Variants in RPS6KA2 observed in about 807,000 individuals in gnomAD.
RPS6KA2 encodes ribosomal protein S6 kinase alpha-2.
In RPS6KA2, 42 loss-of-function variants were observed where a neutral mutation model predicts 91.8. That is an observed-to-expected ratio of 0.46 (90% CI 0.36 to 0.59). The LOEUF is 0.59. RPS6KA2 is among the 20% of genes least tolerant of loss of function. The probability of loss-of-function intolerance (pLI) is 0.00; values close to 1 mark genes in which losing one functional copy is unlikely to be tolerated. For missense variants in RPS6KA2, 798 were observed against 978.5 expected, an observed-to-expected ratio of 0.82 and a Z score of 2.46; for synonymous variants, 414 against 393.6, an observed-to-expected ratio of 1.05 and a Z score of -0.61.
rs959099423 is a variant in RPS6KA2 at position 166,586,653 on chromosome 6, C to T, written c.99+40268G>A. Among the ~76,000 whole-genome samples, 5 of 124,590 alleles carry T rather than the reference C, an allele frequency of 4.0e-5. 1 individual carries two copies. The highest frequency in any genetic ancestry group is 1.9e-4 in the African/African-American group (3 of 15,686). The allele number at this position is 124,590 out of a possible 152,430, so 81.7% of individuals were successfully genotyped here. ...TGGAACTCCAGACCACTCCAGTTCTCCAATGTAACCGAGCGCCTTCCTCTC... is the reference window on the plus strand; with the variant it reads ...TGGAACTCCAGACCACTCCAGTTCTTCAATGTAACCGAGCGCCTTCCTCTC... On this transcript the variant is annotated intron_variant, in intron 1 of 20. Transcript: ENST00000265678.
At chr6:166,439,812 A>T (rs1183032647) in intron 14 of RPS6KA2, 1 of 152,262 alleles carries the variant, frequency 6.6e-6, no homozygotes, top group Non-Finnish European at 1.5e-5. Flanking sequence ...AGTCCTGGCC[A>T]TGTGGGGCTG....
At chr6:166,492,082 A>G (rs930558066) in intron 8 of RPS6KA2, among the ~76,000 whole-genome samples, 3 of 152,180 alleles carry the variant, frequency 2.0e-5, no homozygotes, top group African/African-American at 7.2e-5. Context: ...GCTAGGAGTG[A>G]AATTATAATC....
chr6:166,839,400 C>T (rs1415011687), intron 2 of RPS6KA2, among the ~76,000 whole-genome samples: 5 of 151,560 alleles, frequency 3.3e-5, no homozygotes, highest in Admixed American at 2.6e-4. Context: ...TTCCAGGATA[C>T]GTTATGAAGA....
At chr6:166,720,720 G>A (rs1002332141) in intron 2 of RPS6KA2, among the ~76,000 whole-genome samples, 4 of 152,084 alleles carry the variant, frequency 2.6e-5, no homozygotes, top group Non-Finnish European at 4.4e-5. Context: ...TTTGTGCCTC[G>A]CATTTTACAT....
chr6:166,618,789 G>T (rs1215180877), intron 1 of RPS6KA2, among the ~76,000 whole-genome samples: 4 of 152,212 alleles, frequency 2.6e-5, no homozygotes, highest in Non-Finnish European at 5.9e-5. Flanking sequence ...ATTTTAGCAG[G>T]TCACACTCCC....
At chr6:166,715,967 G>T in intron 2 of RPS6KA2, among the ~76,000 whole-genome samples, 1 of 148,602 alleles carries the variant, frequency 6.7e-6, no homozygotes, top group Non-Finnish European at 1.5e-5. Context: ...GAGCCCTGGA[G>T]GTGGAGGTTG....
At chr6:166,696,255 C>T (rs962050745) in intron 2 of RPS6KA2, among the ~76,000 whole-genome samples, 1 of 152,136 alleles carries the variant, frequency 6.6e-6, no homozygotes, top group Non-Finnish European at 1.5e-5. Context: ...GGGTGGTAGT[C>T]TATCAGCTGG....
rs1317068151 is a variant in RPS6KA2, at chr6:166,603,485, C to T, written c.99+23436G>A. Among the ~76,000 whole-genome samples the T allele has an allele frequency of 1.3e-5, 2 of 152,124 alleles. No individual in the cohort carries two copies. The highest frequency in any genetic ancestry group is 4.8e-5 in the African/African-American group (2 of 41,412). ...GTGGGATCTGAAAGGCTTCATTTGG[C>T]CTCATAAATGGGATTAGCATGGGGG... On this transcript the variant is annotated intron_variant, in intron 1 of 20. Transcript: ENST00000265678. This position sits in a 1 kb window ranked among gnomAD's most constrained non-coding sequence, Gnocchi z 4.3.
Position 166,485,516 on chromosome 6 carries a change from A to C in RPS6KA2, c.907+3317T>G, listed in dbSNP as rs568813463. On this transcript the variant is annotated intron_variant, in intron 10 of 20. Coordinates refer to ENST00000265678, the MANE Select transcript of RPS6KA2 (RefSeq NM_021135.6). The stretch of plus-strand genomic sequence containing the variant: ...CACATTGCTCTTAGGGCTGACGGAC[A>C]CTGCAATGGAAGGGACTCAATTTAA... Among the ~76,000 whole-genome samples, 3 of 152,224 alleles carry C rather than the reference A, an allele frequency of 2.0e-5. No individual in the cohort carries two copies. In the East Asian group the frequency reaches 5.8e-4, roughly 29 times the overall value.
rs1265275391 is a variant in RPS6KA2, at chr6:166,459,029, G to A, written c.1075+420C>T. Among the ~76,000 whole-genome samples, 1 of 152,068 alleles carries A rather than the reference G, an allele frequency of 6.6e-6. No individual in the cohort carries two copies. Among genetic ancestry groups the A allele is most frequent in the Non-Finnish European group, 1.5e-5 (1 of 68,006 alleles). On this transcript the variant is annotated intron_variant, in intron 12 of 20. Coordinates refer to ENST00000265678, the MANE Select transcript of RPS6KA2 (RefSeq NM_021135.6). This position sits in a 1 kb window ranked among gnomAD's most constrained non-coding sequence, Gnocchi z 4.9. ...AGTAGCCGATACTACTTTTCAAATGGGTTTCTGTTTTTTGCATGAATAATA... is the reference window on the plus strand; with the variant it reads ...AGTAGCCGATACTACTTTTCAAATGAGTTTCTGTTTTTTGCATGAATAATA...
chr6:166,541,976 C>A (rs1331859733), intron 1 of RPS6KA2, among the ~76,000 whole-genome samples: 1 of 152,176 alleles, frequency 6.6e-6, no homozygotes, highest in South Asian at 2.1e-4. Flanking sequence ...AAAAAAATCC[C>A]CAAGAGCATC....
chr6:166,669,227 G>A (rs1162082475), intron 2 of RPS6KA2, among the ~76,000 whole-genome samples: 1 of 152,096 alleles, frequency 6.6e-6, no homozygotes, highest in Non-Finnish European at 1.5e-5. Context: ...ACAGTGACAG[G>A]AATATGAGGC....
rs373373123 is a variant in RPS6KA2, at chr6:166,740,466, A to G, written c.123+117734T>C. On this transcript the variant is annotated intron_variant, in intron 2 of 21. Coordinates refer to the RPS6KA2 transcript ENST00000503859. ...ATCAGAAAAATGAAATTAGATTCCT[A>G]TATTATTCCATATACAAAATCAAAC... 5.3e-5 allele frequency among the ~76,000 whole-genome samples: 8 copies of G among 152,350 alleles called. No homozygotes were observed. The East Asian group carries it at 1.5e-3, about 29-fold the overall frequency.
intron 16 of RPS6KA2, among the ~76,000 whole-genome samples, chr6:166,425,557 T>A (rs1260785034): frequency 6.6e-6 from 1 of 151,948 alleles, no homozygotes; most frequent in Non-Finnish European, 1.5e-5. Context: ...AGGAAACGCA[T>A]CTCACGTGCA....
chr6:166,466,973 C>T (rs1780554028), intron 11 of RPS6KA2, among the ~76,000 whole-genome samples: 1 of 152,048 alleles, frequency 6.6e-6, no homozygotes, highest in South Asian at 2.1e-4. Context: ...CTCATTCATG[C>T]ACTCCCTCAC....
chr6:166,780,900 TC>T (rs1051438594), intron 2 of RPS6KA2, among the ~76,000 whole-genome samples: 3 of 152,138 alleles, frequency 2.0e-5, no homozygotes, highest in Admixed American at 6.5e-5. Flanking sequence ...CAACCAACAC[TC>T]CCCAGTGGAC....
At chr6:166,704,676 G>A (rs1562392421) in intron 2 of RPS6KA2, among the ~76,000 whole-genome samples, 1 of 152,162 alleles carries the variant, frequency 6.6e-6, no homozygotes, top group South Asian at 2.1e-4. Flanking sequence ...GGTTCTCCTG[G>A]ATCTTCACGC....
At chr6:166,558,647 G>A (rs990635369) in intron 1 of RPS6KA2, among the ~76,000 whole-genome samples, 28 of 152,170 alleles carry the variant, frequency 1.8e-4, no homozygotes, top group South Asian at 1.2e-3. Flanking sequence ...TAAGTGGGGC[G>A]GTAAATGTGC....
chr6:166,449,194 C>T (rs552030585), intron 13 of RPS6KA2, among the ~76,000 whole-genome samples: 5 of 152,276 alleles, frequency 3.3e-5, no homozygotes, highest in South Asian at 4.1e-4. Flanking sequence ...GCTCCAATGC[C>T]TGTGTGCAGA....
Sources: allele counts gnomAD v4.1 joint callset (sites outside exome capture counted in the v4.1 genomes callset), GRCh38; gene constraint gnomAD v4.1.1; non-coding constraint Gnocchi (gnomAD v3.1); transcripts MANE v1.5; gene names NCBI Gene and HGNC (gene_info 2026-07-23, HGNC 2026-07-21).